The following PAPPA variants were observed in gnomAD, a reference collection of about 807,000 sequenced individuals.
PAPPA encodes the protein pappalysin-1.
A neutral mutation model predicts 164.0 loss-of-function variants in PAPPA; 60 were observed. The observed-to-expected ratio is 0.37, with a 90% CI of 0.30 to 0.45. PAPPA has a LOEUF of 0.45. Among genes scored for constraint, PAPPA ranks in the 20% least tolerant of loss-of-function variants. The pLI is 1.00. For missense variants in PAPPA, 1,782 were observed against 2,087.3 expected (o/e 0.85, Z 2.85); for synonymous variants, 875 against 814.1 (o/e 1.07, Z -1.27).
intron 20 of PAPPA, among the ~76,000 whole-genome samples, chr9:116,379,379 G>C (rs1261833612): frequency 6.6e-6 from 1 of 152,194 alleles, no homozygotes. Flanking sequence ...TCTGCACCAT[G>C]CTGGGTCCAA....
chr9:116,208,482 A>G (rs1002464346), intron 3 of PAPPA, among the ~76,000 whole-genome samples: 3 of 152,216 alleles, frequency 2.0e-5, no homozygotes, highest in African/African-American at 7.2e-5. Context: ...CTCTAAAGCC[A>G]AGATTTTTAA....
At chr9:116,339,391 G>C (rs1846105100) in intron 13 of PAPPA, among the ~76,000 whole-genome samples, 1 of 152,032 alleles carries the variant, frequency 6.6e-6, no homozygotes, top group South Asian at 2.1e-4. Flanking sequence ...AACCCTGCAG[G>C]CTACTGAGCT....
chr9:116,209,174 C>T (rs992463266), intron 3 of PAPPA, among the ~76,000 whole-genome samples: 2 of 152,108 alleles, frequency 1.3e-5, no homozygotes, highest in Non-Finnish European at 2.9e-5. Context: ...AGAGAGCGTG[C>T]AGCTTAGGCA....
At chr9:116,333,868 AC>A (rs1846025068) in intron 12 of PAPPA, among the ~76,000 whole-genome samples, 1 of 151,852 alleles carries the variant, frequency 6.6e-6, no homozygotes. Flanking sequence ...CTCCACCCCC[AC>A]CATCACCATC....
chr9:116,272,394 G>A (rs1845147438), intron 9 of PAPPA, among the ~76,000 whole-genome samples: 1 of 152,188 alleles, frequency 6.6e-6, no homozygotes, highest in Admixed American at 6.5e-5. Context: ...TCACTGACAG[G>A]CAATTTTCTA....
At position 116,204,668 on chromosome 9, in the gene PAPPA, G is replaced by A. The variant is rs1349272414; in HGVS notation, c.1479-2788G>A. Among the ~76,000 whole-genome samples the A allele has an allele frequency of 3.9e-5, 6 of 152,050 alleles. No homozygotes were observed. The East Asian group carries it at 1.2e-3, about 30-fold the overall frequency. On this transcript the variant is annotated intron_variant, in intron 2 of 21. Transcript: ENST00000328252. ...TGGCCTCAAGCATTCCTGCCGCCTT[G>A]GCTGCCCAAAGTGCTGGGATTACAA...
At chr9:116,169,307 A>ATTTTTTTTTTTTT (rs1843748582) in intron 1 of PAPPA, among the ~76,000 whole-genome samples, 6 of 41,314 alleles carry the variant, frequency 1.5e-4, no homozygotes, top group Non-Finnish European at 4.0e-4. Context: ...CTCCAAACCC[A>ATTTTTTTTTTTTT]TTCTTTTTTT....
intron 1 of PAPPA, among the ~76,000 whole-genome samples, chr9:116,166,241 G>T (rs1227725215): frequency 1.3e-5 from 2 of 152,218 alleles, no homozygotes; most frequent in African/African-American, 2.4e-5. Flanking sequence ...AAGGGGAATA[G>T]TATATTTAAG....
At chr9:116,235,889 T>C (rs1844659009) in intron 7 of PAPPA, among the ~76,000 whole-genome samples, 1 of 152,194 alleles carries the variant, frequency 6.6e-6, no homozygotes, top group South Asian at 2.1e-4. Context: ...CTCATAAGCC[T>C]TTCTTAATCT....
chr9:116,341,065 C>T (rs984895881), intron 13 of PAPPA, among the ~76,000 whole-genome samples: 2 of 149,222 alleles, frequency 1.3e-5, no homozygotes, highest in African/African-American at 5.0e-5. Flanking sequence ...TTTTGATACA[C>T]AGTCTCACTC....
intron 2 of PAPPA, among the ~76,000 whole-genome samples, chr9:116,191,797 A>T (rs10817863): frequency 0.17 from 26,435 of 152,150 alleles, 2,918 homozygotes; most frequent in Non-Finnish European, 0.25. Context: ...GGCACATTCA[A>T]ACAGAATAAT....
intron 9 of PAPPA, among the ~76,000 whole-genome samples, chr9:116,273,255 T>A (rs1426615719): frequency 2.6e-5 from 4 of 152,200 alleles, no homozygotes; most frequent in African/African-American, 7.2e-5. Flanking sequence ...AATAAGGACA[T>A]CTCTAATAGG....
intron 4 of PAPPA, among the ~76,000 whole-genome samples, chr9:116,213,276 C>T (rs534094410): frequency 1.2e-3 from 186 of 152,282 alleles, no homozygotes; most frequent in Admixed American, 3.5e-3. Flanking sequence ...TTTCTGTGAT[C>T]CCCAGTGGTT....
rs935927025 is a variant in PAPPA, at chr9:116,387,119, A to G, written c.4776+4626A>G. 3.3e-5 allele frequency among the ~76,000 whole-genome samples: 5 copies of G among 151,996 alleles called. No individual in the cohort carries two copies. The East Asian group carries it at 9.7e-4, about 30-fold the overall frequency. ...TGGGTGAGTTTCAAGCACCTTCCTA[A>G]ATCACAGGAATTCAGTTAACTGAGC... On this transcript the variant is annotated intron_variant, in intron 21 of 21. Transcript: ENST00000328252.
chr9:116,187,828 G>T lies in PAPPA; in HGVS notation c.1090G>T (p.Asp364Tyr). 6.2e-7 allele frequency: 1 copy of T among 1,614,224 alleles called. No individual in the cohort carries two copies. The highest frequency in any genetic ancestry group is 1.1e-5 in the South Asian group (1 of 91,084). ...CCGCGTGGTCAACCTCTATGAAGAT[G>T]ATCATAAGAACCCGACGGTGACGCG... ...RYRVVNLYED[D>Y]HKNPTVTREQ... is the part of the protein sequence containing the mutation. The change falls in exon 2 of 22, where the codon GAT becomes TAT. Residue 364 changes from aspartate (D) to tyrosine (Y), a missense_variant. Physicochemically the swap from Asp to Tyr is radical, Grantham distance 160. Coordinates refer to ENST00000328252, the MANE Select transcript of PAPPA (RefSeq NM_002581.5). This position sits in a 1 kb window ranked among gnomAD's most constrained non-coding sequence, Gnocchi z 4.2.
intron 1 of PAPPA, among the ~76,000 whole-genome samples, chr9:116,174,318 G>A (rs1843807805): frequency 6.6e-6 from 1 of 152,104 alleles, no homozygotes; most frequent in South Asian, 2.1e-4. Context: ...CTCCTGAAAG[G>A]CTCACCCTAG....
At chr9:116,240,705 G>A (rs1333638857) in intron 7 of PAPPA, among the ~76,000 whole-genome samples, 1 of 152,174 alleles carries the variant, frequency 6.6e-6, no homozygotes, top group Admixed American at 6.5e-5. Context: ...TATAGGGACT[G>A]GAAACTCAGA....
intron 10 of PAPPA, among the ~76,000 whole-genome samples, chr9:116,324,719 A>G (rs1363176594): frequency 6.6e-6 from 1 of 152,164 alleles, no homozygotes; most frequent in Non-Finnish European, 1.5e-5. Context: ...TGCGTGTAGT[A>G]TTTCACAAAA....
rs556369128 is a variant in PAPPA, at chr9:116,399,344, C to T, written c.*2728C>T. 2.6e-5 allele frequency: 4 copies of T among 152,738 alleles called. No homozygotes were observed. Among genetic ancestry groups the T allele is most frequent in the East Asian group, 1.9e-4 (1 of 5,182 alleles). 9.5% of individuals were successfully genotyped at this position (152,738 alleles called of 1,614,324 possible). On this transcript the variant is annotated 3_prime_UTR_variant, in exon 22 of 22. Coordinates refer to ENST00000328252, the MANE Select transcript of PAPPA (RefSeq NM_002581.5). ...AGGCTACTTGATTGGTGGCCAACCT[C>T]GTGCCCACATGGAAGGTATCTTTAA...
Sources: gnomAD v4.1 joint callset for allele counts (sites outside exome capture counted in the v4.1 genomes callset) on GRCh38, gnomAD v4.1.1 for gene constraint, Gnocchi (gnomAD v3.1) non-coding constraint, MANE v1.5 for transcripts, NCBI Gene and HGNC (gene_info 2026-07-23, HGNC 2026-07-21) for gene names.